Variants in CCDC102B observed in about 807,000 individuals in gnomAD.
The protein encoded by CCDC102B is coiled-coil domain-containing protein 102B.
CCDC102B carries 75 observed loss-of-function variants against 57.4 expected under a neutral mutation model. The ratio of observed to expected loss-of-function variants is 1.31; its 90% CI spans 1.08 to 1.58. The LOEUF is 1.58. CCDC102B is among the 40% of genes most tolerant of loss of function. The pLI is 0.00. For synonymous variants in CCDC102B, 206 were observed against 201.9 expected, an observed-to-expected ratio of 1.02 and a Z score of -0.17; for missense variants, 636 against 582.6, an observed-to-expected ratio of 1.09 and a Z score of -0.94.
chr18:69,050,577 G>T (rs2052679878), intron 7 of CCDC102B, among the ~76,000 whole-genome samples: 1 of 152,076 alleles, frequency 6.6e-6, no homozygotes, highest in African/African-American at 2.4e-5. Context: ...TATGCTAAAT[G>T]CTTCATGTCC....
intron 6 of CCDC102B, among the ~76,000 whole-genome samples, chr18:68,987,546 A>G (rs1206251826): frequency 6.6e-6 from 1 of 152,152 alleles, no homozygotes; most frequent in Non-Finnish European, 1.5e-5. Flanking sequence ...AGAAACAAAA[A>G]TTGACAGTGG....
At chr18:68,904,226 ATG>A (rs2040548034) in intron 6 of CCDC102B, among the ~76,000 whole-genome samples, 1 of 152,138 alleles carries the variant, frequency 6.6e-6, no homozygotes, top group African/African-American at 2.4e-5. Context: ...CTATTTTTAA[ATG>A]TAGCTGTTAA....
intron 5 of CCDC102B, among the ~76,000 whole-genome samples, chr18:68,883,352 A>C (rs939991514): frequency 6.6e-6 from 1 of 151,490 alleles, no homozygotes; most frequent in Non-Finnish European, 1.5e-5. Flanking sequence ...CAGAGGTTGC[A>C]GTGAGCCGAG....
chr18:68,979,843 G>A (rs1251153698), intron 6 of CCDC102B, among the ~76,000 whole-genome samples: 3 of 151,940 alleles, frequency 2.0e-5, no homozygotes, highest in Admixed American at 6.6e-5. Flanking sequence ...TGGCTAAAAG[G>A]CCTAAAAAGT....
At chr18:68,880,200 T>C (rs1456376246) in intron 5 of CCDC102B, among the ~76,000 whole-genome samples, 1 of 152,174 alleles carries the variant, frequency 6.6e-6, no homozygotes, top group Non-Finnish European at 1.5e-5. Flanking sequence ...CTGGCACTGC[T>C]GGGGGACCCA....
At chr18:69,055,367 G>T (rs545492078), downstream of CCDC102B, among the ~76,000 whole-genome samples, 3 of 151,972 alleles carry the variant, frequency 2.0e-5, no homozygotes, top group East Asian at 1.9e-4. Context: ...CTATCTTGTC[G>T]CTGGGTACTC....
At chr18:69,036,158 G>C (rs1333142127) in intron 7 of CCDC102B, among the ~76,000 whole-genome samples, 1 of 152,082 alleles carries the variant, frequency 6.6e-6, no homozygotes, top group African/African-American at 2.4e-5. Context: ...ACTTGCTTTA[G>C]TCTGCAGCAT....
At chr18:68,941,138 G>T (rs1233461609) in intron 6 of CCDC102B, among the ~76,000 whole-genome samples, 3 of 146,186 alleles carry the variant, frequency 2.1e-5, no homozygotes, top group Admixed American at 1.4e-4. Flanking sequence ...AGCATATGTT[G>T]TATTTATTTA....
chr18:69,031,542 A>G (rs1161739932), intron 7 of CCDC102B, among the ~76,000 whole-genome samples: 1 of 151,908 alleles, frequency 6.6e-6, no homozygotes, highest in East Asian at 1.9e-4. Flanking sequence ...TTTTATCTGA[A>G]TAATAGCTGG....
At chr18:68,777,404 A>G (rs908489504) in intron 2 of CCDC102B, among the ~76,000 whole-genome samples, 2 of 152,182 alleles carry the variant, frequency 1.3e-5, no homozygotes, top group African/African-American at 4.8e-5. Flanking sequence ...GAAGTCCTCA[A>G]AATGGGAGTC....
intron 5 of CCDC102B, 113 bp from the exon 6 acceptor site, chr18:68,897,106 G>GT (rs1330285104): frequency 1.4e-6 from 1 of 728,124 alleles, no homozygotes; most frequent in African/African-American, 1.8e-5. Context: ...TTTTAAAATT[G>GT]TATCAGTGGA....
At chr18:68,735,438 A>G (rs1568223949) in intron 2 of CCDC102B, among the ~76,000 whole-genome samples, 1 of 152,222 alleles carries the variant, frequency 6.6e-6, no homozygotes, top group Non-Finnish European at 1.5e-5. Flanking sequence ...ATTTAAAAAT[A>G]TCCCACTCCT....
At chr18:68,898,151 A>G (rs554342624) in intron 6 of CCDC102B, among the ~76,000 whole-genome samples, 1 of 152,088 alleles carries the variant, frequency 6.6e-6, no homozygotes, top group African/African-American at 2.4e-5. Context: ...TGTAAATTAT[A>G]TTTACCTTGT....
intron 6 of CCDC102B, among the ~76,000 whole-genome samples, chr18:68,911,409 GAAC>G (rs2040840900): frequency 2.6e-5 from 4 of 152,216 alleles, no homozygotes; most frequent in South Asian, 2.1e-4. Context: ...ACATATGGAA[GAAC>G]AACAGACACG....
At chr18:68,783,563 A>G (rs867271718) in intron 2 of CCDC102B, among the ~76,000 whole-genome samples, 1 of 152,154 alleles carries the variant, frequency 6.6e-6, no homozygotes, top group African/African-American at 2.4e-5. Flanking sequence ...TTTACACTGC[A>G]CTTAGATATT....
intron 2 of CCDC102B, among the ~76,000 whole-genome samples, chr18:68,742,961 A>G (rs1171447837): frequency 2.0e-5 from 3 of 152,128 alleles, no homozygotes; most frequent in Non-Finnish European, 4.4e-5. Context: ...TGGTAATGGA[A>G]TTTATAATGT....
At chr18:69,007,338 G>T (rs1040987757) in intron 6 of CCDC102B, among the ~76,000 whole-genome samples, 5 of 152,156 alleles carry the variant, frequency 3.3e-5, no homozygotes, top group Non-Finnish European at 2.9e-5. Context: ...CCAACCCCAG[G>T]TGTAAGCAGG....
At chr18:69,046,411 G>A (rs2052568342) in intron 7 of CCDC102B, among the ~76,000 whole-genome samples, 1 of 152,060 alleles carries the variant, frequency 6.6e-6, no homozygotes, top group African/African-American at 2.4e-5. Flanking sequence ...AGAACTGTCT[G>A]TTCATATCCT....
chr18:68,932,210 A>G (rs1443866352), intron 6 of CCDC102B, among the ~76,000 whole-genome samples: 1 of 151,792 alleles, frequency 6.6e-6, no homozygotes, highest in African/African-American at 2.4e-5. Flanking sequence ...ATTTCCATGA[A>G]TTTAGTCCAG....
Sources: allele counts gnomAD v4.1 joint callset (sites outside exome capture counted in the v4.1 genomes callset), GRCh38; gene constraint gnomAD v4.1.1; transcripts MANE v1.5; gene names NCBI Gene and HGNC (gene_info 2026-07-23, HGNC 2026-07-21).